Variants in IGSF11 observed in about 807,000 individuals in gnomAD.
IGSF11 encodes immunoglobulin superfamily member 11, also known as CXADR like 1.
In IGSF11, 22 loss-of-function variants were observed where a neutral mutation model predicts 41.0. The observed-to-expected ratio is 0.54, with a 90% confidence interval of 0.38 to 0.77. IGSF11 has a LOEUF of 0.77. Among genes scored for constraint, IGSF11 ranks in the 30% least tolerant of loss-of-function variants. The pLI is 0.00. For missense variants in IGSF11, 444 were observed against 530.8 expected (o/e 0.84, Z 1.61); for synonymous variants, 219 against 201.3 (o/e 1.09, Z -0.74).
chr3:118,960,044 CAAAAAAAA>C (rs199913346), intron 1 of IGSF11, among the ~76,000 whole-genome samples: 1 of 81,122 alleles, frequency 1.2e-5, no homozygotes, highest in African/African-American at 5.3e-5. Flanking sequence ...GACTCCGTCT[CAAAAAAAA>C]AAAAAAAAGA....
chr3:119,112,041 G>A (rs978509523), intron 1 of IGSF11, among the ~76,000 whole-genome samples: 5 of 152,186 alleles, frequency 3.3e-5, no homozygotes, highest in African/African-American at 7.2e-5. Flanking sequence ...GGGGGTCAGG[G>A]GTCTGGGACC....
At chr3:118,908,026 C>T (rs1471716714) in intron 4 of IGSF11, among the ~76,000 whole-genome samples, 1 of 152,064 alleles carries the variant, frequency 6.6e-6, no homozygotes, top group African/African-American at 2.4e-5. Flanking sequence ...AATTTGTGTT[C>T]CTGGGGTTTT....
At chr3:119,048,947 G>C (rs961804702) in intron 1 of IGSF11, among the ~76,000 whole-genome samples, 124 of 152,154 alleles carry the variant, frequency 8.1e-4, no homozygotes, top group Non-Finnish European at 1.3e-3. Context: ...AAATTCAACA[G>C]CCCTTCATGG....
chr3:119,065,990 G>T (rs1324289553), intron 1 of IGSF11, among the ~76,000 whole-genome samples: 1 of 151,868 alleles, frequency 6.6e-6, no homozygotes, highest in Non-Finnish European at 1.5e-5. Context: ...TAAAACTTCA[G>T]GTATTTTATT....
chr3:118,973,863 A>T (rs1483634984), intron 1 of IGSF11, among the ~76,000 whole-genome samples: 1 of 152,188 alleles, frequency 6.6e-6, no homozygotes, highest in Non-Finnish European at 1.5e-5. Flanking sequence ...AGAAAACCAA[A>T]CACCGCGTGT....
intron 1 of IGSF11, among the ~76,000 whole-genome samples, chr3:119,002,748 G>T (rs1937031950): frequency 9.3e-6 from 1 of 108,066 alleles, no homozygotes; most frequent in African/African-American, 4.3e-5. Context: ...CCCATTGCTT[G>T]TTTTTCTCAG....
intron 1 of IGSF11, among the ~76,000 whole-genome samples, chr3:119,084,303 C>T (rs1044921681): frequency 1.3e-5 from 2 of 151,980 alleles, no homozygotes; most frequent in Non-Finnish European, 2.9e-5. Context: ...TGTGGGGTGC[C>T]TAAATGCTAG....
chr3:118,961,714 A>G (rs550887815), intron 1 of IGSF11, among the ~76,000 whole-genome samples: 1 of 152,246 alleles, frequency 6.6e-6, no homozygotes, highest in Non-Finnish European at 1.5e-5. Flanking sequence ...AATAGGGTGC[A>G]CTGTTTGCAA....
chr3:119,085,965 G>C (rs2076664613), intron 1 of IGSF11, among the ~76,000 whole-genome samples: 1 of 152,192 alleles, frequency 6.6e-6, no homozygotes, highest in Admixed American at 6.5e-5. Context: ...GCGGCTCTAA[G>C]GCCCTGTTAC....
intron 1 of IGSF11, among the ~76,000 whole-genome samples, chr3:119,077,641 A>C (rs115326857): frequency 0.15 from 23,079 of 151,896 alleles, 3,039 homozygotes; most frequent in African/African-American, 0.35. Flanking sequence ...CCTACTCTCA[A>C]CTCTCCTATT....
At chr3:119,123,664 G>A (rs2077362819) in intron 1 of IGSF11, among the ~76,000 whole-genome samples, 3 of 152,232 alleles carry the variant, frequency 2.0e-5, no homozygotes, top group Non-Finnish European at 1.5e-5. Context: ...AGCACAGAGA[G>A]AGAGAGAGAG....
chr3:118,905,017 G>A (rs966142129), intron 5 of IGSF11, among the ~76,000 whole-genome samples: 2 of 152,116 alleles, frequency 1.3e-5, no homozygotes, highest in African/African-American at 4.8e-5. Flanking sequence ...TATTTTGAAT[G>A]AATAAACAAT....
chr3:118,956,621 C>T (rs917318903), intron 1 of IGSF11, among the ~76,000 whole-genome samples: 8 of 152,058 alleles, frequency 5.3e-5, no homozygotes, highest in African/African-American at 1.9e-4. Flanking sequence ...GCTAAGTTTG[C>T]CATCTTATAT....
chr3:119,059,258 C>T lies in IGSF11; in HGVS notation c.49+45886G>A, dbSNP rs117520827. On this transcript the variant is annotated intron_variant, in intron 1 of 6. Transcript: ENST00000354673. Reference sequence around the variant, plus strand: ...TAAAAAGGAATGAAATAATGGCATTCACAGTAACCTGGATGGAGTTGGAGA... The same window carrying T: ...TAAAAAGGAATGAAATAATGGCATTTACAGTAACCTGGATGGAGTTGGAGA... Among the ~76,000 whole-genome samples the T allele has an allele frequency of 1.1e-4, 17 of 152,122 alleles. 1 individual carries two copies. The East Asian group carries it at 3.3e-3, about 29-fold the overall frequency.
At chr3:119,122,993 C>T (rs1172895188) in intron 1 of IGSF11, among the ~76,000 whole-genome samples, 2 of 152,182 alleles carry the variant, frequency 1.3e-5, no homozygotes, top group African/African-American at 4.8e-5. Context: ...CTTTGGCTTG[C>T]ATCTTAGGTA....
In IGSF11 at chr3:119,049,319, T is replaced by A. The variant is rs980479462; in HGVS notation, c.49+55825A>T. On this transcript the variant is annotated intron_variant, in intron 1 of 6. Coordinates refer to the IGSF11 transcript ENST00000354673. ...GCAAAGTCTCAGGATACAAAATCAA[T>A]GTGCAAAAATCACAAGCATTCCTAT... is the stretch of plus-strand genomic sequence containing the variant. Among the ~76,000 whole-genome samples, 10 of 151,662 alleles carry A rather than the reference T, an allele frequency of 6.6e-5. 1 individual carries two copies. Among genetic ancestry groups the A allele is most frequent in the African/African-American group, 2.4e-4 (10 of 41,402 alleles).
chr3:119,075,034 AC>A (rs1489262114), intron 1 of IGSF11, among the ~76,000 whole-genome samples: 2 of 152,212 alleles, frequency 1.3e-5, no homozygotes, highest in African/African-American at 4.8e-5. Context: ...CAAAGGATCA[AC>A]AAAACCAAAA....
At chr3:119,093,191 T>G (rs2076793451) in intron 1 of IGSF11, among the ~76,000 whole-genome samples, 1 of 152,232 alleles carries the variant, frequency 6.6e-6, no homozygotes, top group Non-Finnish European at 1.5e-5. Flanking sequence ...CTGTGTTAAC[T>G]CACAGAAGAC....
chr3:119,046,038 T>A (rs1167767861), intron 1 of IGSF11, among the ~76,000 whole-genome samples: 1 of 150,720 alleles, frequency 6.6e-6, no homozygotes, highest in Non-Finnish European at 1.5e-5. Flanking sequence ...ACCACAAAGA[T>A]GGGGAAAAAA....
Sources: allele counts gnomAD v4.1 joint callset (sites outside exome capture counted in the v4.1 genomes callset), GRCh38; gene constraint gnomAD v4.1.1; transcripts MANE v1.5; gene names NCBI Gene and HGNC (gene_info 2026-07-23, HGNC 2026-07-21).